Variants in PSD3 observed in about 807,000 individuals in gnomAD.
PSD3 encodes pleckstrin and Sec7 domain containing 3.
In PSD3, 49 loss-of-function variants were observed where a neutral mutation model predicts 105.5. That is an observed-to-expected ratio of 0.46 (90% confidence interval 0.37 to 0.59). The LOEUF is 0.59. Ranked by LOEUF, PSD3 falls within the 20% of genes least tolerant of loss-of-function variation. The probability of loss-of-function intolerance (pLI) is 0.00; values close to 1 mark genes in which losing one functional copy is unlikely to be tolerated. For missense variants in PSD3, 1,561 were observed against 1,263.8 expected (o/e 1.24, Z -3.57); for synonymous variants, 557 against 457.8 (o/e 1.22, Z -2.77).
chr8:18,571,982 G>A (rs745753220), intron 14 of PSD3, among the ~76,000 whole-genome samples: 2 of 152,172 alleles, frequency 1.3e-5, no homozygotes. Flanking sequence ...ACCACAGAAG[G>A]AGGCTTATGT....
At chr8:18,993,150 G>T (rs2114495) in intron 1 of PSD3, among the ~76,000 whole-genome samples, 67,880 of 151,626 alleles carry the variant, frequency 0.45, 15,588 homozygotes, top group Non-Finnish European at 0.51. Context: ...CTTTTCTGTA[G>T]TCCTCAGAGA....
At chr8:18,918,757 C>A (rs1419259871) in intron 2 of PSD3, among the ~76,000 whole-genome samples, 1 of 152,026 alleles carries the variant, frequency 6.6e-6, no homozygotes, top group Non-Finnish European at 1.5e-5. Context: ...GTTCCACCAA[C>A]CTGTCAAACT....
At chr8:18,948,723 T>C (rs572937409) in intron 1 of PSD3, among the ~76,000 whole-genome samples, 3 of 152,304 alleles carry the variant, frequency 2.0e-5, no homozygotes, top group Admixed American at 2.0e-4. Flanking sequence ...TTTGCAAATA[T>C]CATGGTATCT....
chr8:19,079,686 A>C (rs1041974135), intron 1 of PSD3, among the ~76,000 whole-genome samples: 1 of 152,162 alleles, frequency 6.6e-6, no homozygotes, highest in African/African-American at 2.4e-5. Context: ...GACGGCTTGC[A>C]ATACCGGTCC....
intron 10 of PSD3, 26 bp from the exon 11 acceptor site, chr8:18,632,832 G>C: frequency 2.7e-6 from 4 of 1,491,904 alleles, no homozygotes; most frequent in Non-Finnish European, 3.7e-6. Context: ...CACAAAGACT[G>C]AGTCAAGCAC....
chr8:18,973,563 T>A (rs1824768865), intron 1 of PSD3, among the ~76,000 whole-genome samples: 2 of 152,168 alleles, frequency 1.3e-5, no homozygotes, highest in Non-Finnish European at 2.9e-5. Context: ...CATTTAACCT[T>A]AACTACCTCC....
chr8:18,671,227 G>A (rs371807989), intron 9 of PSD3, among the ~76,000 whole-genome samples: 4 of 152,188 alleles, frequency 2.6e-5, no homozygotes, highest in African/African-American at 4.8e-5. Flanking sequence ...CCACTTCGCC[G>A]ATCTAGGAGC....
intron 10 of PSD3, among the ~76,000 whole-genome samples, chr8:18,643,085 T>C (rs1248453290): frequency 4.6e-5 from 7 of 152,196 alleles, no homozygotes; most frequent in African/African-American, 1.4e-4. Context: ...TTATCACGAA[T>C]GGTGACTTAT....
At chr8:18,800,263 C>T (rs1420847418) in intron 7 of PSD3, among the ~76,000 whole-genome samples, 1 of 152,184 alleles carries the variant, frequency 6.6e-6, no homozygotes, top group South Asian at 2.1e-4. Context: ...TTATCTCCTT[C>T]ATTCTCTTGT....
At chr8:18,759,693 T>C (rs918290706) in intron 9 of PSD3, among the ~76,000 whole-genome samples, 3 of 152,098 alleles carry the variant, frequency 2.0e-5, no homozygotes, top group African/African-American at 7.2e-5. Flanking sequence ...TCATGTCATA[T>C]CAAAATCTAC....
At chr8:18,695,342 C>T (rs569557130) in intron 9 of PSD3, among the ~76,000 whole-genome samples, 14 of 152,302 alleles carry the variant, frequency 9.2e-5, no homozygotes, top group African/African-American at 3.4e-4. Context: ...AAAGTGCATG[C>T]ATGAAGTAAA....
intron 4 of PSD3, among the ~76,000 whole-genome samples, chr8:18,862,677 A>C (rs1022681416): frequency 4.0e-5 from 6 of 151,560 alleles, no homozygotes; most frequent in Non-Finnish European, 8.8e-5. Context: ...TTATTCTTTT[A>C]ATATTTATAT....
At chr8:18,680,102 T>C (rs1800297167) in intron 9 of PSD3, among the ~76,000 whole-genome samples, 1 of 152,222 alleles carries the variant, frequency 6.6e-6, no homozygotes. Context: ...CATGAACTTT[T>C]ACAGATTTAT....
chr8:19,035,590 C>A (rs1271838818), intron 1 of PSD3, among the ~76,000 whole-genome samples: 1 of 151,972 alleles, frequency 6.6e-6, no homozygotes, highest in African/African-American at 2.4e-5. Context: ...TTATGTTGAT[C>A]AGGCTGGTAT....
intron 1 of PSD3, among the ~76,000 whole-genome samples, chr8:18,982,411 G>T (rs1300455301): frequency 6.6e-6 from 1 of 152,122 alleles, no homozygotes. Flanking sequence ...GTCCTCCAAT[G>T]AATCACAAAT....
chr8:18,652,780 C>A (rs1808607882), intron 10 of PSD3, among the ~76,000 whole-genome samples: 1 of 152,046 alleles, frequency 6.6e-6, no homozygotes, highest in African/African-American at 2.4e-5. Flanking sequence ...TTACAGGTGT[C>A]AGCGACCGTG....
intron 9 of PSD3, among the ~76,000 whole-genome samples, chr8:18,748,726 C>T (rs10107780): frequency 0.038 from 5,739 of 149,920 alleles, 261 homozygotes; most frequent in East Asian, 0.21. Flanking sequence ...AGTTATAATA[C>T]GGCAGTAATG....
intron 1 of PSD3, among the ~76,000 whole-genome samples, chr8:19,025,125 G>C (rs1035536097): frequency 6.6e-6 from 1 of 152,062 alleles, no homozygotes; most frequent in Non-Finnish European, 1.5e-5. Context: ...AGTTGACTAA[G>C]ACCAACCAGA....
intron 9 of PSD3, among the ~76,000 whole-genome samples, chr8:18,714,438 A>C (rs926612838): frequency 1.3e-5 from 2 of 151,884 alleles, no homozygotes; most frequent in African/African-American, 2.4e-5. Context: ...AAAAAAAAAA[A>C]AAACCAAACA....
Sources: gnomAD v4.1 joint callset for allele counts (sites outside exome capture counted in the v4.1 genomes callset) on GRCh38, gnomAD v4.1.1 for gene constraint, MANE v1.5 for transcripts, NCBI Gene and HGNC (gene_info 2026-07-23, HGNC 2026-07-21) for gene names.